Variants in GNPTG observed in about 807,000 individuals in gnomAD.
The protein encoded by GNPTG is N-acetylglucosamine-1-phosphotransferase subunit gamma.
GNPTG carries 46 observed loss-of-function variants against 43.8 expected under a neutral mutation model. The observed-to-expected ratio is 1.05, with a 90% CI of 0.83 to 1.34. The LOEUF (loss-of-function observed/expected upper bound fraction) is 1.34, where lower values mean the gene tolerates loss of function less well. Ranked by LOEUF, GNPTG falls within the 40% of genes most tolerant of loss-of-function variation. The pLI is 0.00. For missense variants in GNPTG, 549 were observed against 411.3 expected (o/e 1.33, Z -2.90); for synonymous variants, 250 against 172.8 (o/e 1.45, Z -3.50).
intron 3 of GNPTG, among the ~76,000 whole-genome samples, chr16:1,360,063 G>A (rs534285622): frequency 7.1e-4 from 108 of 152,046 alleles, no homozygotes; most frequent in African/African-American, 2.5e-3. Context: ...AGCCAAGATC[G>A]TGCCACTGCA....
rs755303199 is a variant in GNPTG at position 1,352,099 on chromosome 16, T to C, written c.53-3T>C. On this transcript the variant is annotated splice_region_variant and splice_polypyrimidine_tract_variant and intron_variant, in intron 1 of 10. Coordinates refer to ENST00000204679, the MANE Select transcript of GNPTG (RefSeq NM_032520.5). ...TCCCCGCTCACGGTCTCGCTCCCCGTAGGGCCCGCGCCGGCAGGTGCAGCG... is the reference window on the plus strand; with the variant it reads ...TCCCCGCTCACGGTCTCGCTCCCCGCAGGGCCCGCGCCGGCAGGTGCAGCG... 7.0e-6 allele frequency: 11 copies of C among 1,568,012 alleles called. No homozygotes were observed. Among genetic ancestry groups the C allele is most frequent in the South Asian group, 3.5e-5 (3 of 85,620 alleles).
At position 1,351,957 on chromosome 16, in the gene GNPTG, T is replaced by TGCGGCGCGATGGCG; in HGVS notation, c.-4_10dup. 2 of 1,292,054 alleles carry TGCGGCGCGATGGCG rather than the reference T, an allele frequency of 1.5e-6. No homozygotes were observed. The highest frequency in any genetic ancestry group is 2.0e-6 in the Non-Finnish European group (2 of 1,025,546). 80.0% of individuals were successfully genotyped at this position (1,292,054 alleles called of 1,614,324 possible). On this transcript the variant is annotated 5_prime_UTR_variant, in exon 1 of 11. In the 5' UTR this introduces an upstream ATG that the reference lacks. Coordinates refer to ENST00000204679, the MANE Select transcript of GNPTG (RefSeq NM_032520.5). ...CTTCACGTGACCGCGCGGCGGCCGC[T>TGCGGCGCGATGGCG]GCGGCGCGATGGCGGCGGGGCTGGC... is the stretch of plus-strand genomic sequence containing the variant.
At chr16:1,352,536 A>G (rs1042556546) in intron 3 of GNPTG, 2 of 583,398 alleles carry the variant, frequency 3.4e-6, no homozygotes. Flanking sequence ...ACTGCTGTTA[A>G]TAGTCTGGTG....
chr16:1,351,995 G>T lies in GNPTG; in HGVS notation c.30G>T (p.Leu10Phe), dbSNP rs747247122. The T allele has an allele frequency of 7.0e-7, 1 of 1,434,132 alleles. No homozygotes were observed. The highest frequency in any genetic ancestry group is 1.4e-5 in the South Asian group (1 of 71,882). 88.8% of individuals were successfully genotyped at this position (1,434,132 alleles called of 1,614,324 possible). A position where few individuals can be genotyped will look rare whatever the true frequency, so the allele number is the denominator to read the frequency against. MAAGLARLL[L>F]LLGLSAGGPA... ...CGGCGGGGCTGGCGCGGCTCCTGTT[G>T]CTCCTCGGGCTCTCGGCCGGCGGTG... is the stretch of plus-strand genomic sequence containing the variant. The change falls in exon 1 of 11, where the codon TTG (leucine) becomes TTT (phenylalanine). Residue 10 changes from leucine to phenylalanine, a missense_variant. Physicochemically the swap from Leu to Phe is conservative, Grantham distance 22. Coordinates refer to ENST00000204679, the MANE Select transcript of GNPTG (RefSeq NM_032520.5).
chr16:1,358,190 T>G (rs970751255), intron 3 of GNPTG: 2 of 150,346 alleles, frequency 1.3e-5, no homozygotes, highest in African/African-American at 4.8e-5. Flanking sequence ...ACGCCTTCCC[T>G]CTTCCCCCAG....
At position 1,363,047 on chromosome 16, in the gene GNPTG, C is replaced by T. The variant is rs768090398; in HGVS notation, c.874C>T (p.Pro292Ser). Residue 292 changes from proline to serine, a missense_variant, in exon 11 of 11, where the codon CCA becomes TCA. By Grantham distance (74) the Pro-to-Ser change is moderately conservative (BLOSUM62 -1). Coordinates refer to ENST00000204679, the MANE Select transcript of GNPTG (RefSeq NM_032520.5). ...LGHETPRAKS[P>S]EQLRGDPGLR... is the part of the protein sequence containing the mutation. ...CCACGAGACGCCCAGAGCCAAGTCT[C>T]CAGAGCAGCTGCGGGGTGACCCAGG... 2 of 1,614,036 alleles carry T rather than the reference C, an allele frequency of 1.2e-6. No individual in the cohort carries two copies. The highest frequency in any genetic ancestry group is 2.2e-5 in the South Asian group (2 of 91,056).
In GNPTG at chr16:1,362,808, C is replaced by T. The variant is rs1215744702; in HGVS notation, c.742-17C>T. ...CAGCACCTGGGCTTTCCCTTGAACTCTTTTTGTGGTTGGTAGGCTCATAAA... is the reference window on the plus strand; with the variant it reads ...CAGCACCTGGGCTTTCCCTTGAACTTTTTTTGTGGTTGGTAGGCTCATAAA... On this transcript the variant is annotated splice_polypyrimidine_tract_variant and intron_variant, in intron 9 of 10. Transcript: ENST00000204679. 1.2e-6 allele frequency: 2 copies of T among 1,613,930 alleles called. No individual in the cohort carries two copies. Among genetic ancestry groups the T allele is most frequent in the Admixed American group, 1.7e-5 (1 of 59,996 alleles).
chr16:1,352,864 G>A (rs1049790247), intron 3 of GNPTG, among the ~76,000 whole-genome samples: 1 of 151,882 alleles, frequency 6.6e-6, no homozygotes, highest in Non-Finnish European at 1.5e-5. Flanking sequence ...TCAGGTGAGC[G>A]GTTTCCCAGT....
intron 3 of GNPTG, among the ~76,000 whole-genome samples, chr16:1,355,124 C>G (rs957580936): frequency 2.1e-4 from 32 of 150,268 alleles, no homozygotes; most frequent in Non-Finnish European, 3.4e-4. Context: ...GATGGTCTCC[C>G]GCCTCTGCGG....
rs2034968359 is a variant in GNPTG at position 1,363,120 on chromosome 16, CG to C, written c.*31del. 6.3e-7 allele frequency: 1 copy of C among 1,598,126 alleles called. No homozygotes were observed. Among genetic ancestry groups the C allele is most frequent in the African/African-American group, 1.3e-5 (1 of 74,512 alleles). ...TGTGGTGGGAGAGCAGAGGTGGACG[CG>C]GCCGAGAGCCCTACAGAGAAGCTGG... On this transcript the variant is annotated 3_prime_UTR_variant, in exon 11 of 11. Coordinates refer to ENST00000204679, the MANE Select transcript of GNPTG (RefSeq NM_032520.5).
Position 1,362,372 on chromosome 16 carries a change from C to T in GNPTG, c.526+52C>T, listed in dbSNP as rs1337585208. The T allele has an allele frequency of 1.9e-6, 3 of 1,608,418 alleles. No homozygotes were observed. The Admixed American group carries it at 5.0e-5, about 27-fold the overall frequency. ...CAGTGGGGTCAGCCGCGCACGCAGC[C>T]CTGCTGGAGGCCCTGTAGTGCTGGG... On this transcript the variant is annotated intron_variant, in intron 7 of 10. Transcript: ENST00000204679.
chr16:1,361,920 G>A lies in GNPTG; in HGVS notation c.282G>A (p.Gln94=). 1 of 1,613,730 alleles carries A rather than the reference G, an allele frequency of 6.2e-7. No homozygotes were observed. ...CPFHNVTQHE[Q]TFRWNAYSGI... Reference sequence around the variant, plus strand: ...TCCACAACGTGACCCAGCACGAGCAGACCTTCCGCTGGAACGCCTACAGTG... The same window carrying A: ...TCCACAACGTGACCCAGCACGAGCAAACCTTCCGCTGGAACGCCTACAGTG... Residue 94 remains glutamine (Q), a synonymous_variant, in exon 5 of 11, where the codon CAG becomes CAA. Transcript: ENST00000204679.
At chr16:1,359,558 G>C (rs987063293) in intron 3 of GNPTG, among the ~76,000 whole-genome samples, 1 of 152,146 alleles carries the variant, frequency 6.6e-6, no homozygotes, top group Admixed American at 6.5e-5. Flanking sequence ...GTGAGACCCT[G>C]CGCCCGGCCT....
In GNPTG at chr16:1,362,643, G is replaced by C; in HGVS notation, c.642G>C (p.Glu214Asp). 6.2e-7 allele frequency: 1 copy of C among 1,614,160 alleles called. No individual in the cohort carries two copies. The highest frequency in any genetic ancestry group is 8.5e-7 in the Non-Finnish European group (1 of 1,180,036). Residue 214 changes from glutamate (E) to aspartate (D), a missense_variant, in exon 9 of 11, where the codon GAG becomes GAC. Glu to Asp is a conservative substitution (Grantham distance 45, BLOSUM62 2). Coordinates refer to ENST00000204679, the MANE Select transcript of GNPTG (RefSeq NM_032520.5). ...GHEKLLRTLFEDAGYLKTPEE... is the reference protein window; with the variant it reads ...GHEKLLRTLFDDAGYLKTPEE... The stretch of plus-strand genomic sequence containing the variant: ...AGAAGTTGCTGAGGACACTTTTTGA[G>C]GATGCTGGCTACTTAAAGACCCCAG...
At chr16:1,355,928 C>CG (rs1441771130) in intron 3 of GNPTG, among the ~76,000 whole-genome samples, 1 of 151,516 alleles carries the variant, frequency 6.6e-6, no homozygotes, top group African/African-American at 2.4e-5. Context: ...GAGAGGGTCA[C>CG]GGTGGGCACA....
chr16:1,359,770 A>G (rs1331637920), intron 3 of GNPTG, among the ~76,000 whole-genome samples: 1 of 152,046 alleles, frequency 6.6e-6, no homozygotes, highest in Admixed American at 6.6e-5. Flanking sequence ...ATGGGGTTGC[A>G]TTGAATCTGC....
chr16:1,360,023 C>T (rs928640165), intron 3 of GNPTG, among the ~76,000 whole-genome samples: 5 of 151,948 alleles, frequency 3.3e-5, no homozygotes, highest in African/African-American at 4.8e-5. Flanking sequence ...GCGGGAAAAT[C>T]GGTTGAACCC....
chr16:1,362,752 T>C lies in GNPTG; in HGVS notation c.741+10T>C, dbSNP rs199607037. On this transcript the variant is annotated intron_variant, in intron 9 of 10. Transcript: ENST00000204679. The stretch of plus-strand genomic sequence containing the variant: ...GGAAAACTGCAGGAAGGTACCGTAT[T>C]GGGGGGAGGTGGTGGCACGCAGTAG... 4.1e-5 allele frequency: 66 copies of C among 1,613,922 alleles called. No homozygotes were observed. The highest frequency in any genetic ancestry group is 4.8e-5 in the Non-Finnish European group (57 of 1,180,010).
intron 3 of GNPTG, 197 bp downstream of exon 3, chr16:1,352,503 C>G: frequency 1.5e-6 from 1 of 646,940 alleles, no homozygotes; most frequent in South Asian, 1.8e-5. Flanking sequence ...AGACTTAGTC[C>G]TTCCTTTCCT....
Sources: gnomAD v4.1 joint callset for allele counts (sites outside exome capture counted in the v4.1 genomes callset) on GRCh38, gnomAD v4.1.1 for gene constraint, MANE v1.5 for transcripts, NCBI Gene and HGNC (gene_info 2026-07-23, HGNC 2026-07-21) for gene names.